The following AKR1C4 variants were observed in gnomAD, a reference collection of about 807,000 sequenced individuals.
AKR1C4 encodes the protein 3-alpha-HSD1.
A neutral mutation model predicts 41.0 loss-of-function variants in AKR1C4; 44 were observed. The ratio of observed to expected loss-of-function variants is 1.07; its 90% confidence interval spans 0.84 to 1.38. The LOEUF is 1.38. Ranked by LOEUF, AKR1C4 falls within the 40% of genes most tolerant of loss-of-function variation. The probability of loss-of-function intolerance (pLI) is 0.00; values close to 1 mark genes in which losing one functional copy is unlikely to be tolerated. For synonymous variants in AKR1C4, 165 were observed against 137.7 expected, an observed-to-expected ratio of 1.20 and a Z score of -1.39; for missense variants, 438 against 387.9, an observed-to-expected ratio of 1.13 and a Z score of -1.09.
At chr10:5,206,987 C>T (rs782432512) in intron 5 of AKR1C4, among the ~76,000 whole-genome samples, 17 of 152,084 alleles carry the variant, frequency 1.1e-4, no homozygotes, top group Non-Finnish European at 2.4e-4. Flanking sequence ...GAGAGATAAG[C>T]TGAAAGGATG....
At chr10:5,207,194 C>CTA in intron 5 of AKR1C4, 1 of 186,360 alleles carries the variant, frequency 5.4e-6, no homozygotes, top group Non-Finnish European at 1.2e-5. Context: ...GGCTAAACTA[C>CTA]TATCTTGTCC....
chr10:5,202,939 T>TTTTG, intron 2 of AKR1C4, among the ~76,000 whole-genome samples: 2 of 139,270 alleles, frequency 1.4e-5, no homozygotes, highest in African/African-American at 5.6e-5. Context: ...TAGTTTTCTT[T>TTTTG]TGTGTGTGTG....
At chr10:5,207,553 G>A in intron 5 of AKR1C4, 2 of 664,842 alleles carry the variant, frequency 3.0e-6, no homozygotes, top group South Asian at 2.8e-5. Context: ...ACTTACAGGT[G>A]CTAAGAAACT....
chr10:5,208,062 G>T (rs11253044), intron 5 of AKR1C4, among the ~76,000 whole-genome samples: 4,016 of 56,802 alleles, frequency 0.071, 384 homozygotes, highest in African/African-American at 0.13. Flanking sequence ...AAACTTTAAA[G>T]AGTGAAAAAA....
In AKR1C4 at chr10:5,204,418, C is replaced by T. The variant is rs1379298159; in HGVS notation, c.294C>T (p.Ala98=). The T allele has an allele frequency of 6.2e-7, 1 of 1,613,986 alleles. No individual in the cohort carries two copies. ...TTCAACCACAGATGGTCCAACCAGC[C>T]TTGGAAAGCTCACTGAAAAAACTTC... ...TFFQPQMVQP[A]LESSLKKLQL... The change falls in exon 3 of 9, where the codon GCC becomes GCT. Residue 98 remains alanine (A), a synonymous_variant. Coordinates refer to ENST00000263126, the MANE Select transcript of AKR1C4 (RefSeq NM_001818.5).
intron 1 of AKR1C4, 21 bp downstream of exon 1, chr10:5,196,972 A>G: frequency 6.2e-7 from 1 of 1,610,006 alleles, no homozygotes; most frequent in Admixed American, 1.7e-5. Context: ...CATTTTCAGC[A>G]TTGAGCATTT....
intron 2 of AKR1C4, among the ~76,000 whole-genome samples, chr10:5,203,758 CCA>C (rs1564401194): frequency 6.6e-6 from 1 of 152,194 alleles, no homozygotes; most frequent in Non-Finnish European, 1.5e-5. Flanking sequence ...TGCCTCCAAT[CCA>C]CAATCTTGGG....
At chr10:5,215,685 T>C (rs1055845014) in intron 7 of AKR1C4, among the ~76,000 whole-genome samples, 2 of 152,240 alleles carry the variant, frequency 1.3e-5, no homozygotes, top group African/African-American at 4.8e-5. Flanking sequence ...AGTTCTTTCG[T>C]AAGGTATAAC....
At position 5,213,114 on chromosome 10, in the gene AKR1C4, C is replaced by T. The variant is rs568261810; in HGVS notation, c.801C>T (p.Val267=). 13 of 1,614,108 alleles carry T rather than the reference C, an allele frequency of 8.1e-6. No homozygotes were observed. The African/African-American group carries it at 1.7e-4, about 22-fold the overall frequency. ...ACCAGCTGCAGCGTGGGGTTGTGGT[C>T]CTGGCCAAGAGCTACAATGAGCAGC... ...LRYQLQRGVV[V]LAKSYNEQRI... The change falls in exon 7 of 9, where the codon GTC becomes GTT. Residue 267 remains valine (V), a synonymous_variant. Transcript: ENST00000263126.
chr10:5,211,093 T>C lies in AKR1C4; in HGVS notation c.571-1523T>C, dbSNP rs562260704. On this transcript the variant is annotated intron_variant, in intron 5 of 8. Transcript: ENST00000263126. ...TAGACTGCACACAGAATGGAGACCCTGGGCCCAGCCCATGAAACCATTTTT... is the reference window on the plus strand; with the variant it reads ...TAGACTGCACACAGAATGGAGACCCCGGGCCCAGCCCATGAAACCATTTTT... 5.9e-5 allele frequency among the ~76,000 whole-genome samples: 9 copies of C among 152,346 alleles called. No individual in the cohort carries two copies. The East Asian group carries it at 1.5e-3, about 26-fold the overall frequency.
At chr10:5,211,806 G>T (rs1252974402) in intron 5 of AKR1C4, among the ~76,000 whole-genome samples, 1 of 152,158 alleles carries the variant, frequency 6.6e-6, no homozygotes. Flanking sequence ...GAGTTTAATG[G>T]ACTTACAGCT....
intron 8 of AKR1C4, among the ~76,000 whole-genome samples, chr10:5,217,441 G>A (rs888288473): frequency 5.9e-5 from 9 of 152,182 alleles, no homozygotes; most frequent in South Asian, 2.1e-4. Context: ...AGAGTATAAA[G>A]AAGCTTTAGA....
intron 5 of AKR1C4, 64 bp downstream of exon 5, chr10:5,206,461 G>C: frequency 1.2e-6 from 2 of 1,605,892 alleles, no homozygotes; most frequent in Non-Finnish European, 1.7e-6. Flanking sequence ...CTACTGCCTG[G>C]CTTCCATTTG....
rs567468488 is a variant in AKR1C4, at chr10:5,199,762, A to G, written c.85-419A>G. Among the ~76,000 whole-genome samples the G allele has an allele frequency of 2.0e-4, 31 of 152,214 alleles. No individual in the cohort carries two copies. The East Asian group carries it at 2.1e-3, about 10-fold the overall frequency. ...CTTCCCCCCAAGCTACCTCCACTCA[A>G]TGAAACCCTGCACTCATTCACCAAG... On this transcript the variant is annotated intron_variant, in intron 1 of 8. Coordinates refer to ENST00000263126, the MANE Select transcript of AKR1C4 (RefSeq NM_001818.5).
intron 3 of AKR1C4, 55 bp downstream of exon 3, chr10:5,204,548 T>TAAAG: frequency 9.9e-6 from 13 of 1,310,058 alleles, no homozygotes; most frequent in Non-Finnish European, 1.3e-5. Context: ...CCATCCTTTA[T>TAAAG]GATGGTTGAA....
chr10:5,205,033 T>TA (rs1832463541), intron 3 of AKR1C4, among the ~76,000 whole-genome samples: 1 of 152,238 alleles, frequency 6.6e-6, no homozygotes, highest in Non-Finnish European at 1.5e-5. Flanking sequence ...TGCATAACTT[T>TA]TAAATTTATA....
At chr10:5,200,696 G>A (rs1832387635) in intron 2 of AKR1C4, among the ~76,000 whole-genome samples, 1 of 152,174 alleles carries the variant, frequency 6.6e-6, no homozygotes, top group Admixed American at 6.5e-5. Flanking sequence ...AGATTTAAGT[G>A]AAGCTGTCAG....
intron 2 of AKR1C4, among the ~76,000 whole-genome samples, chr10:5,201,054 A>G (rs7085249): frequency 0.18 from 27,751 of 151,982 alleles, 2,799 homozygotes; most frequent in Non-Finnish European, 0.23. Flanking sequence ...ATTGTGAATC[A>G]TACTGCTGTA....
At chr10:5,201,811 T>G (rs1554796944) in intron 2 of AKR1C4, among the ~76,000 whole-genome samples, 1 of 152,194 alleles carries the variant, frequency 6.6e-6, no homozygotes, top group East Asian at 1.9e-4. Flanking sequence ...GGCTTCCAGT[T>G]TTATTCTTAT....
Sources: allele counts gnomAD v4.1 joint callset (sites outside exome capture counted in the v4.1 genomes callset), GRCh38; gene constraint gnomAD v4.1.1; transcripts MANE v1.5; gene names NCBI Gene and HGNC (gene_info 2026-07-23, HGNC 2026-07-21).